SULF1: variants seen among roughly 807,000 people sequenced by gnomAD.
SULF1 encodes the protein sulfatase 1.
Under a neutral mutation model 110.5 loss-of-function variants are expected in SULF1, and 46 were observed. That is an observed-to-expected ratio of 0.42 (90% CI 0.33 to 0.53). The LOEUF is 0.53. Among genes scored for constraint, SULF1 ranks in the 20% least tolerant of loss-of-function variants. The probability of loss-of-function intolerance (pLI) is 0.12; values close to 1 mark genes in which losing one functional copy is unlikely to be tolerated. For missense variants in SULF1, 941 were observed against 1,094.2 expected (o/e 0.86, Z 1.98); for synonymous variants, 371 against 387.1 (o/e 0.96, Z 0.49).
At chr8:69,492,194 G>A (rs961237687), upstream of SULF1, among the ~76,000 whole-genome samples, 1 of 151,908 alleles carries the variant, frequency 6.6e-6, no homozygotes, top group African/African-American at 2.4e-5. Context: ...GAAAATATGA[G>A]TAGCAAGTTG....
At chr8:69,530,494 G>A (rs1813007267) in intron 3 of SULF1, among the ~76,000 whole-genome samples, 1 of 152,080 alleles carries the variant, frequency 6.6e-6, no homozygotes, top group Non-Finnish European at 1.5e-5. Flanking sequence ...AAACATTGAA[G>A]TCCTCAGAAA....
chr8:69,603,621 CA>C lies in SULF1; in HGVS notation c.1216del (p.Ile406PhefsTer7), dbSNP rs1563576108. The C allele has an allele frequency of 6.2e-7, 1 of 1,613,782 alleles. No homozygotes were observed. Among genetic ancestry groups the C allele is most frequent in the Non-Finnish European group, 8.5e-7 (1 of 1,179,724 alleles). ...TCAGGTTTCGAACAAACAAGAAGGCCAAAATTTGGCGTGATACATTCCTAGT... is the reference window on the plus strand; with the variant it reads ...TCAGGTTTCGAACAAACAAGAAGGCCAAATTTGGCGTGATACATTCCTAGT... ...GNRFRTNKKA[K>X]IWRDTFLVER... On this transcript the variant is annotated frameshift_variant, in exon 12 of 23. Coordinates refer to ENST00000402687, the MANE Select transcript of SULF1 (RefSeq NM_001128205.2). LOFTEE classifies it high-confidence loss of function.
At chr8:69,625,815 G>T (rs868059791) in intron 15 of SULF1, 1 of 152,414 alleles carries the variant, frequency 6.6e-6, no homozygotes, top group Non-Finnish European at 1.5e-5. Context: ...TGCTGGCTCC[G>T]GCAGCCTGCT....
chr8:69,582,834 T>G (rs1052231214), intron 6 of SULF1, among the ~76,000 whole-genome samples: 7 of 152,200 alleles, frequency 4.6e-5, no homozygotes, highest in Admixed American at 2.0e-4. Context: ...GGCCTTGGTC[T>G]GCTGCCTGTG....
At chr8:69,512,622 A>G (rs1811647624) in intron 3 of SULF1, among the ~76,000 whole-genome samples, 2 of 152,176 alleles carry the variant, frequency 1.3e-5, no homozygotes, top group Non-Finnish European at 2.9e-5. Flanking sequence ...TGTGTGCAGA[A>G]CGTCAAGCCT....
upstream of SULF1, among the ~76,000 whole-genome samples, chr8:69,488,642 C>A (rs1809794982): frequency 6.6e-6 from 1 of 152,060 alleles, no homozygotes; most frequent in Non-Finnish European, 1.5e-5. Flanking sequence ...TCTATTCAGC[C>A]TCCTCTTCAC....
At position 69,634,075 on chromosome 8, in the gene SULF1, C is replaced by T. The variant is rs981312709; in HGVS notation, c.2284+4396C>T. On this transcript the variant is annotated intron_variant, in intron 19 of 22. Transcript: ENST00000402687. Reference sequence around the variant, plus strand: ...AATTAGAGATCTTTTAATGAAAAGTCGTATAATGATGAAAGCATTTTCAAT... The same window carrying T: ...AATTAGAGATCTTTTAATGAAAAGTTGTATAATGATGAAAGCATTTTCAAT... Among the ~76,000 whole-genome samples, 11 of 152,132 alleles carry T rather than the reference C, an allele frequency of 7.2e-5. 1 individual carries two copies. The highest frequency in any genetic ancestry group is 3.3e-4 in the Admixed American group (5 of 15,292).
rs116513031 is a variant in SULF1, at chr8:69,505,482, A to G, written c.-134+3514A>G. Among the ~76,000 whole-genome samples, 574 of 152,288 alleles carry G rather than the reference A, an allele frequency of 3.8e-3. 1 individual carries two copies. The highest frequency in any genetic ancestry group is 0.013 in the African/African-American group (531 of 41,572). ...CCTTGTTAATACCTATTTGGGATGG[A>G]AAATTTTATTATAAGGATGGCTTAG... On this transcript the variant is annotated intron_variant, in intron 3 of 22. Transcript: ENST00000402687.
chr8:69,595,680 A>G (rs1385168835), intron 8 of SULF1, among the ~76,000 whole-genome samples: 1 of 152,214 alleles, frequency 6.6e-6, no homozygotes, highest in African/African-American at 2.4e-5. Context: ...TTCTGCTACC[A>G]GTAATCTTTA....
intron 8 of SULF1, among the ~76,000 whole-genome samples, chr8:69,598,653 A>C (rs952948954): frequency 6.6e-6 from 1 of 152,170 alleles, no homozygotes; most frequent in South Asian, 2.1e-4. Flanking sequence ...GGGCCTTCCA[A>C]AATGCTGGGA....
intron 22 of SULF1, among the ~76,000 whole-genome samples, chr8:69,652,238 C>T (rs1405895085): frequency 6.6e-6 from 1 of 152,168 alleles, no homozygotes; most frequent in African/African-American, 2.4e-5. Context: ...CCACCCCAAT[C>T]TCAGGATCCA....
chr8:69,526,313 G>C (rs1467541582), intron 3 of SULF1, among the ~76,000 whole-genome samples: 2 of 152,012 alleles, frequency 1.3e-5, no homozygotes, highest in African/African-American at 4.8e-5. Context: ...TGATGCAAAA[G>C]AGAATTTAAA....
intron 22 of SULF1, among the ~76,000 whole-genome samples, chr8:69,653,103 C>T (rs928377806): frequency 3.9e-5 from 6 of 152,056 alleles, no homozygotes; most frequent in Admixed American, 2.6e-4. Flanking sequence ...ATGGGGTTTC[C>T]GTCTGTCACC....
chr8:69,601,834 GT>G lies in SULF1; in HGVS notation c.1061+6del. ...AAGTGTAGAACCAGGATCAATGTAC[GT>G]ATTTCTCTGTTTGCAACATTCAACT... On this transcript the variant is annotated splice_donor_region_variant and intron_variant, in intron 10 of 22. Transcript: ENST00000402687. 1 of 1,598,094 alleles carries G rather than the reference GT, an allele frequency of 6.3e-7. No individual in the cohort carries two copies. Among genetic ancestry groups the G allele is most frequent in the Non-Finnish European group, 8.5e-7 (1 of 1,171,468 alleles).
At chr8:69,468,570 A>G (rs1808954332) in intron 1 of SULF1, among the ~76,000 whole-genome samples, 2 of 152,202 alleles carry the variant, frequency 1.3e-5, no homozygotes, top group African/African-American at 4.8e-5. Flanking sequence ...GATTCCCAAT[A>G]TTACATAACC....
In SULF1 at chr8:69,548,448, C is replaced by CTT. The variant is rs11420223; in HGVS notation, c.-133-15075_-133-15074dup. Reference sequence around the variant, plus strand: ...TAGCCTAGAGCACTTTGGATGTTAACTTTTTTTTTTTTTTTTTGATGGAGT... The same window carrying CTT: ...TAGCCTAGAGCACTTTGGATGTTAACTTTTTTTTTTTTTTTTTTTGATGGAGT... On this transcript the variant is annotated intron_variant, in intron 3 of 22. Transcript: ENST00000402687. Among the ~76,000 whole-genome samples, 400 of 138,720 alleles carry CTT rather than the reference C, an allele frequency of 2.9e-3. 1 individual carries two copies. Among genetic ancestry groups the CTT allele is most frequent in the East Asian group, 5.4e-3 (25 of 4,670 alleles). 91.0% of individuals were successfully genotyped at this position (138,720 alleles called of 152,430 possible).
intron 1 of SULF1, among the ~76,000 whole-genome samples, chr8:69,485,242 C>T (rs1809657049): frequency 6.6e-6 from 1 of 152,182 alleles, no homozygotes; most frequent in Non-Finnish European, 1.5e-5. Context: ...ATTGAGAGGA[C>T]CACATTTACC....
chr8:69,561,989 T>C (rs1424193950), intron 3 of SULF1, among the ~76,000 whole-genome samples: 1 of 152,238 alleles, frequency 6.6e-6, no homozygotes, highest in African/African-American at 2.4e-5. Context: ...CCCTGCGTTA[T>C]TAAGAAGAAA....
At chr8:69,648,692 C>A (rs957557214) in intron 22 of SULF1, among the ~76,000 whole-genome samples, 2 of 152,226 alleles carry the variant, frequency 1.3e-5, no homozygotes, top group Non-Finnish European at 2.9e-5. Flanking sequence ...GCCACAGAAG[C>A]TGCAGAAGTC....
Sources: allele counts gnomAD v4.1 joint callset (sites outside exome capture counted in the v4.1 genomes callset), GRCh38; gene constraint gnomAD v4.1.1; transcripts MANE v1.5; gene names NCBI Gene and HGNC (gene_info 2026-07-23, HGNC 2026-07-21).